CGNL1: variants seen among roughly 807,000 people sequenced by gnomAD.
The protein encoded by CGNL1 is cingulin like 1.
Under a neutral mutation model 141.2 loss-of-function variants are expected in CGNL1, and 132 were observed. The observed-to-expected ratio is 0.93, with a 90% CI of 0.81 to 1.08. CGNL1 has a LOEUF of 1.08. Among genes scored for constraint, CGNL1 ranks in the 50% least tolerant of loss-of-function variants. The pLI, the probability that CGNL1 is intolerant of heterozygous loss-of-function variation, is 0.00. For synonymous variants in CGNL1, 690 were observed against 622.1 expected, an observed-to-expected ratio of 1.11 and a Z score of -1.63; for missense variants, 1,870 against 1,588.6, an observed-to-expected ratio of 1.18 and a Z score of -3.01.
intron 14 of CGNL1, among the ~76,000 whole-genome samples, chr15:57,537,663 T>C (rs544682696): frequency 9.2e-5 from 14 of 152,330 alleles, no homozygotes; most frequent in Admixed American, 9.1e-4. Flanking sequence ...CAAATAGCTC[T>C]GGCTTTCCAT....
chr15:57,511,821 G>A (rs1268793990), intron 8 of CGNL1, among the ~76,000 whole-genome samples: 1 of 152,190 alleles, frequency 6.6e-6, no homozygotes, highest in African/African-American at 2.4e-5. Flanking sequence ...GTGAGTAATA[G>A]CTAAAATATT....
At chr15:57,427,418 C>G (rs1191204160) in intron 1 of CGNL1, among the ~76,000 whole-genome samples, 9 of 152,168 alleles carry the variant, frequency 5.9e-5, no homozygotes, top group South Asian at 2.1e-4. Context: ...GTGCAAACAA[C>G]TGACTCATGC....
intron 1 of CGNL1, chr15:57,407,235 T>G (rs960698496): frequency 6.6e-6 from 1 of 152,268 alleles, no homozygotes; most frequent in African/African-American, 2.4e-5. Flanking sequence ...ACCTGATGTT[T>G]GGACACCTTT....
At chr15:57,396,644 G>A (rs1333327994) in intron 1 of CGNL1, among the ~76,000 whole-genome samples, 1 of 152,162 alleles carries the variant, frequency 6.6e-6, no homozygotes, top group Non-Finnish European at 1.5e-5. Flanking sequence ...GGTCAGCACT[G>A]CTGGGTCTTA....
intron 3 of CGNL1, among the ~76,000 whole-genome samples, 191 bp from the exon 4 acceptor site, chr15:57,442,182 G>GAAAAAAAAAAAAAAAAAAAAAAAAAAA (rs61564944): frequency 5.2e-5 from 5 of 96,512 alleles, no homozygotes; most frequent in African/African-American, 1.7e-4. Context: ...TCATTTATTT[G>GAAAAAAAAAAAAAAAAAAAAAAAAAAA]AAAAAAAAAA....
chr15:57,527,327 T>C (rs1313797525), intron 12 of CGNL1: 3 of 152,250 alleles, frequency 2.0e-5, no homozygotes, highest in Non-Finnish European at 4.4e-5. Context: ...TGTCCTCAAC[T>C]ACTGGGGCTT....
intron 1 of CGNL1, among the ~76,000 whole-genome samples, chr15:57,411,920 A>G (rs1356362538): frequency 6.6e-6 from 1 of 152,214 alleles, no homozygotes; most frequent in Admixed American, 6.5e-5. Context: ...ATTTTAAACA[A>G]GAGCATCAAA....
intron 8 of CGNL1, among the ~76,000 whole-genome samples, chr15:57,513,810 CT>C (rs1177646970): frequency 6.6e-6 from 1 of 152,208 alleles, no homozygotes; most frequent in African/African-American, 2.4e-5. Flanking sequence ...GCTTGAGTCA[CT>C]GTGCCCGGTC....
At position 57,549,309 on chromosome 15, in the gene CGNL1, G is replaced by C. The variant is rs752106488; in HGVS notation, c.*1819G>C. 1.3e-5 allele frequency: 2 copies of C among 152,428 alleles called. No individual in the cohort carries two copies. Among genetic ancestry groups the C allele is most frequent in the Non-Finnish European group, 2.9e-5 (2 of 68,212 alleles). 9.4% of individuals were successfully genotyped at this position (152,428 alleles called of 1,614,324 possible). A position where few individuals can be genotyped will look rare whatever the true frequency, so the allele number is the denominator to read the frequency against. ...GAGTTGGTGACATATATGTGGCAGAGATGGTAGTGTTCAGCTGCTTCAGCA... is the reference window on the plus strand; with the variant it reads ...GAGTTGGTGACATATATGTGGCAGACATGGTAGTGTTCAGCTGCTTCAGCA... On this transcript the variant is annotated 3_prime_UTR_variant, in exon 19 of 19. Transcript: ENST00000281282.
intron 1 of CGNL1, among the ~76,000 whole-genome samples, chr15:57,414,965 G>A (rs1159826041): frequency 6.6e-6 from 1 of 152,138 alleles, no homozygotes; most frequent in Non-Finnish European, 1.5e-5. Flanking sequence ...CCACTTAGTG[G>A]GTTGTGTGGT....
chr15:57,392,975 T>G (rs1022324802), intron 1 of CGNL1, among the ~76,000 whole-genome samples: 1 of 152,208 alleles, frequency 6.6e-6, no homozygotes, highest in Admixed American at 6.5e-5. Flanking sequence ...AGTGTGAATA[T>G]GCCTGTTGGT....
At chr15:57,420,563 C>A (rs751410885) in intron 1 of CGNL1, among the ~76,000 whole-genome samples, 1 of 152,156 alleles carries the variant, frequency 6.6e-6, no homozygotes, top group Non-Finnish European at 1.5e-5. Flanking sequence ...ATAGTGGTTT[C>A]GGAATCGTTA....
chr15:57,445,530 T>C (rs1160044153), intron 4 of CGNL1, among the ~76,000 whole-genome samples: 5 of 152,098 alleles, frequency 3.3e-5, no homozygotes, highest in Non-Finnish European at 7.4e-5. Flanking sequence ...GCAAAGCAGG[T>C]AGAGATTTTG....
At chr15:57,419,835 G>T (rs1239017230) in intron 1 of CGNL1, among the ~76,000 whole-genome samples, 1 of 152,190 alleles carries the variant, frequency 6.6e-6, no homozygotes, top group Non-Finnish European at 1.5e-5. Flanking sequence ...GTCACTATGT[G>T]CAGCCCACAC....
chr15:57,521,008 G>A, intron 10 of CGNL1, among the ~76,000 whole-genome samples: 1 of 152,128 alleles, frequency 6.6e-6, no homozygotes, highest in East Asian at 1.9e-4. Context: ...TACCCGTGTT[G>A]CGCCTCAGAT....
rs887245188 is a variant in CGNL1, at chr15:57,547,857, T to C, written c.*367T>C. 3 of 228,092 alleles carry C rather than the reference T, an allele frequency of 1.3e-5. No individual in the cohort carries two copies. The highest frequency in any genetic ancestry group is 4.6e-5 in the African/African-American group (2 of 43,684). The allele number at this position is 228,092 out of a possible 1,614,324, so 14.1% of individuals were successfully genotyped here. ...GTCCAGAAGGCTAGGACTTACTTAATAGCACTGTGCAGGGAGGAAACCATG... is the reference window on the plus strand; with the variant it reads ...GTCCAGAAGGCTAGGACTTACTTAACAGCACTGTGCAGGGAGGAAACCATG... On this transcript the variant is annotated 3_prime_UTR_variant, in exon 19 of 19. Transcript: ENST00000281282.
chr15:57,405,566 T>C (rs2062706006), intron 1 of CGNL1, among the ~76,000 whole-genome samples: 1 of 152,180 alleles, frequency 6.6e-6, no homozygotes, highest in African/African-American at 2.4e-5. Context: ...TTCAAGGGTG[T>C]GTGGTAAGCT....
At chr15:57,494,519 G>A (rs2152381814) in intron 8 of CGNL1, among the ~76,000 whole-genome samples, 1 of 152,298 alleles carries the variant, frequency 6.6e-6, no homozygotes, top group Non-Finnish European at 1.5e-5. Flanking sequence ...CTACTCATAT[G>A]TGATTAAGCC....
At chr15:57,514,383 C>G in intron 8 of CGNL1, among the ~76,000 whole-genome samples, 1 of 152,162 alleles carries the variant, frequency 6.6e-6, no homozygotes, top group East Asian at 1.9e-4. Flanking sequence ...AACTTCTGAC[C>G]ACAAGTGATC....
Sources: gnomAD v4.1 joint callset for allele counts (sites outside exome capture counted in the v4.1 genomes callset) on GRCh38, gnomAD v4.1.1 for gene constraint, MANE v1.5 for transcripts, NCBI Gene and HGNC (gene_info 2026-07-23, HGNC 2026-07-21) for gene names.